SLC24A2: variants seen among roughly 807,000 people sequenced by gnomAD.
SLC24A2 encodes solute carrier family 24 member 2.
In SLC24A2, 36 loss-of-function variants were observed where a neutral mutation model predicts 62.0. The ratio of observed to expected loss-of-function variants is 0.58; its 90% CI spans 0.44 to 0.77. The LOEUF is 0.77. Among genes scored for constraint, SLC24A2 ranks in the 30% least tolerant of loss-of-function variants. SLC24A2 has a pLI of 0.00. For missense variants in SLC24A2, 846 were observed against 817.9 expected, an observed-to-expected ratio of 1.03 and a Z score of -0.42; for synonymous variants, 358 against 294.0, an observed-to-expected ratio of 1.22 and a Z score of -2.23.
the SLC24A2 span, among the ~76,000 whole-genome samples, chr9:20,195,110 T>C: frequency 1.3e-5 from 2 of 152,206 alleles, no homozygotes; most frequent in African/African-American, 2.4e-5. Flanking sequence ...CTGGAACATG[T>C]AATTTTAATG....
At chr9:20,104,277 T>A in the SLC24A2 span, among the ~76,000 whole-genome samples, 61 of 152,320 alleles carry the variant, frequency 4.0e-4, no homozygotes, top group African/African-American at 1.3e-3. Context: ...AACACTCTGC[T>A]AGATATTATC....
chr9:19,889,709 G>A, the SLC24A2 span, among the ~76,000 whole-genome samples: 35 of 152,214 alleles, frequency 2.3e-4, 1 homozygote, highest in African/African-American at 8.2e-4. Context: ...TGATGGCCCT[G>A]GCATCTGTCT....
intron 4 of SLC24A2, among the ~76,000 whole-genome samples, chr9:19,600,344 CTG>C (rs1282212625): frequency 6.6e-6 from 1 of 152,206 alleles, no homozygotes; most frequent in African/African-American, 2.4e-5. Flanking sequence ...CCCTCTAACT[CTG>C]TATCACACTA....
chr9:20,011,109 C>T, the SLC24A2 span, among the ~76,000 whole-genome samples: 1 of 152,002 alleles, frequency 6.6e-6, no homozygotes, highest in East Asian at 1.9e-4. Flanking sequence ...ATTTATAATC[C>T]TTTGGGTATA....
At chr9:20,106,376 C>A in the SLC24A2 span, among the ~76,000 whole-genome samples, 1 of 152,172 alleles carries the variant, frequency 6.6e-6, no homozygotes, top group African/African-American at 2.4e-5. Flanking sequence ...GATACCAAAG[C>A]CGGGCAGAGA....
chr9:19,994,863 G>T, the SLC24A2 span, among the ~76,000 whole-genome samples: 9 of 152,282 alleles, frequency 5.9e-5, no homozygotes, highest in East Asian at 1.9e-4. Context: ...TCACTGAGAG[G>T]TCTCTTCCAA....
chr9:19,788,846 G>C (rs1404977830), intron 1 of SLC24A2, 39 bp downstream of exon 1: 1 of 985,358 alleles, frequency 1.0e-6, no homozygotes, highest in African/African-American at 1.7e-5. Context: ...CCGCCACAGC[G>C]GCTACAGCGG....
the SLC24A2 span, among the ~76,000 whole-genome samples, chr9:20,079,961 T>C: frequency 6.6e-6 from 1 of 152,228 alleles, no homozygotes; most frequent in East Asian, 1.9e-4. Flanking sequence ...AAACCACTGC[T>C]CAATGAAATA....
chr9:19,697,570 T>A (rs1166755279), intron 2 of SLC24A2, among the ~76,000 whole-genome samples: 1 of 152,162 alleles, frequency 6.6e-6, no homozygotes, highest in East Asian at 1.9e-4. Flanking sequence ...ACAAAAAAAG[T>A]TCTGAGTGAG....
chr9:19,558,455 C>A (rs1325383402), intron 7 of SLC24A2, among the ~76,000 whole-genome samples: 1 of 152,148 alleles, frequency 6.6e-6, no homozygotes, highest in Non-Finnish European at 1.5e-5. Context: ...CAACCAAGTG[C>A]ACTATGGCCA....
chr9:19,972,104 T>G, the SLC24A2 span, among the ~76,000 whole-genome samples: 1 of 152,088 alleles, frequency 6.6e-6, no homozygotes, highest in South Asian at 2.1e-4. Flanking sequence ...TTAGCTGGGT[T>G]GCTGATGGTC....
chr9:19,533,550 C>T (rs1309256983), intron 8 of SLC24A2, among the ~76,000 whole-genome samples: 1 of 152,330 alleles, frequency 6.6e-6, no homozygotes, highest in South Asian at 2.1e-4. Flanking sequence ...TTGCTGCTCT[C>T]GGCACTTTGC....
the SLC24A2 span, among the ~76,000 whole-genome samples, chr9:20,191,163 T>G: frequency 1.8e-5 from 1 of 55,746 alleles, no homozygotes; most frequent in African/African-American, 1.9e-4. Flanking sequence ...TTCCGGACCT[T>G]TTTTTTTTTT....
chr9:20,048,247 T>A, the SLC24A2 span, among the ~76,000 whole-genome samples: 1 of 152,228 alleles, frequency 6.6e-6, no homozygotes, highest in African/African-American at 2.4e-5. Context: ...AGGTATTTAG[T>A]AAATAGTTGT....
the SLC24A2 span, among the ~76,000 whole-genome samples, chr9:20,114,751 T>G: frequency 4.6e-5 from 7 of 152,148 alleles, no homozygotes; most frequent in South Asian, 1.5e-3. Context: ...AGAGAGCTAG[T>G]GCTCAGTCAC....
chr9:19,714,084 G>T (rs1207761270), intron 2 of SLC24A2, among the ~76,000 whole-genome samples: 1 of 152,182 alleles, frequency 6.6e-6, no homozygotes, highest in Non-Finnish European at 1.5e-5. Flanking sequence ...ATTTTTAAAA[G>T]TTAAGTAAAT....
At chr9:19,523,443 A>C (rs1458012758) in intron 9 of SLC24A2, among the ~76,000 whole-genome samples, 1 of 152,210 alleles carries the variant, frequency 6.6e-6, no homozygotes, top group Middle Eastern at 3.2e-3. Flanking sequence ...ATGTTAAATA[A>C]AAATCTAGTT....
the SLC24A2 span, among the ~76,000 whole-genome samples, chr9:19,823,217 T>C: frequency 2.6e-5 from 4 of 152,152 alleles, no homozygotes; most frequent in Non-Finnish European, 5.9e-5. Flanking sequence ...TATTTTTACA[T>C]AATTTCAGAT....
the SLC24A2 span, among the ~76,000 whole-genome samples, chr9:19,964,252 G>T: frequency 6.7e-6 from 1 of 149,796 alleles, no homozygotes; most frequent in Non-Finnish European, 1.5e-5. Context: ...ATAGCATGAG[G>T]AGATATACCT....
Sources: allele counts gnomAD v4.1 joint callset (sites outside exome capture counted in the v4.1 genomes callset), GRCh38; gene constraint gnomAD v4.1.1; transcripts MANE v1.5; gene names NCBI Gene and HGNC (gene_info 2026-07-23, HGNC 2026-07-21).